A2M: variants seen among roughly 807,000 people sequenced by gnomAD.
A2M encodes C3 and PZP-like alpha-2-macroglobulin domain-containing protein 5.
A neutral mutation model predicts 183.9 loss-of-function variants in A2M; 128 were observed. That is an observed-to-expected ratio of 0.70 (90% CI 0.60 to 0.81). The LOEUF is 0.81. Among genes scored for constraint, A2M ranks in the 30% least tolerant of loss-of-function variants. A2M has a pLI of 0.00. For missense variants in A2M, 1,495 were observed against 1,787.6 expected (o/e 0.84, Z 2.95); for synonymous variants, 592 against 670.8 (o/e 0.88, Z 1.81).
intron 16 of A2M, 87 bp from the exon 17 acceptor site, chr12:9,095,171 A>C: frequency 1.5e-6 from 1 of 669,476 alleles, no homozygotes; most frequent in South Asian, 3.1e-5. Context: ...TTTGACAAGC[A>C]ATCCAGTTAA....
chr12:9,076,672 C>A, intron 28 of A2M, 84 bp downstream of exon 28: 6 of 1,284,864 alleles, frequency 4.7e-6, no homozygotes, highest in Non-Finnish European at 6.7e-6. Flanking sequence ...ACAGGGATCA[C>A]AGGAGGTAGG....
intron 33 of A2M, 96 bp downstream of exon 33, chr12:9,069,648 TG>T: frequency 2.5e-6 from 2 of 813,320 alleles, no homozygotes; most frequent in Non-Finnish European, 3.9e-6. Flanking sequence ...ATTTCTAGCA[TG>T]GAAGTGATGT....
chr12:9,113,296 A>G (rs138403949), intron 2 of A2M, 64 bp downstream of exon 2: 8 of 1,556,306 alleles, frequency 5.1e-6, no homozygotes, highest in African/African-American at 2.7e-5. Flanking sequence ...ATCTGACAGA[A>G]TACTAGATCC....
intron 11 of A2M, among the ~76,000 whole-genome samples, chr12:9,104,001 T>C (rs1938091832): frequency 6.6e-6 from 1 of 152,222 alleles, no homozygotes; most frequent in Non-Finnish European, 1.5e-5. Flanking sequence ...CTGTTTTTCA[T>C]AGTGGCTCCG....
intron 22 of A2M, among the ~76,000 whole-genome samples, chr12:9,087,930 A>G (rs1339599957): frequency 6.6e-6 from 1 of 152,116 alleles, no homozygotes; most frequent in Non-Finnish European, 1.5e-5. Context: ...TAACTAACTA[A>G]TTTTTTAAAG....
chr12:9,114,547 A>G (rs1157608306), intron 1 of A2M, among the ~76,000 whole-genome samples: 1 of 152,094 alleles, frequency 6.6e-6, no homozygotes, highest in Non-Finnish European at 1.5e-5. Context: ...GATATTTAAT[A>G]TCTTTCTCTT....
intron 17 of A2M, among the ~76,000 whole-genome samples, chr12:9,093,874 C>G (rs1046302771): frequency 6.6e-6 from 1 of 151,682 alleles, no homozygotes; most frequent in African/African-American, 2.4e-5. Context: ...ACCTGAGCGA[C>G]AGAGTGAGAC....
Position 9,079,331 on chromosome 12 carries a change from C to T in A2M, c.3032G>A (p.Gly1011Asp). 6.2e-7 allele frequency: 1 copy of T among 1,613,244 alleles called. No homozygotes were observed. ...KSKAIGYLNT[G>D]YQRQLNYKHY... ...TTTGTAGTTCAACTGTCTCTGGTAA[C>T]CTGGAAAGGAAGATTAACGAAACAG... Residue 1011 changes from glycine (G) to aspartate (D), a missense_variant and splice_region_variant, in exon 25 of 36, where the codon GGT (glycine) becomes GAT (aspartate). Coordinates refer to ENST00000318602, the MANE Select transcript of A2M (RefSeq NM_000014.6).
At chr12:9,086,000 T>G (rs771156732) in intron 22 of A2M, among the ~76,000 whole-genome samples, 1 of 152,202 alleles carries the variant, frequency 6.6e-6, no homozygotes, top group African/African-American at 2.4e-5. Context: ...GAATCAGTAA[T>G]AAAAAGTTTT....
At position 9,112,424 on chromosome 12, in the gene A2M, A is replaced by T. The variant is rs756052953; in HGVS notation, c.383T>A (p.Leu128Gln). ...TTVMVKNEDSLVFVQTDKSIY... is the reference protein window; with the variant it reads ...TTVMVKNEDSQVFVQTDKSIY... Reference sequence around the variant, plus strand: ...TGATTTGTCTGTCTGGACAAAGACCAGACTGTCCTCGTTCTTAACCATCAC... The same window carrying T: ...TGATTTGTCTGTCTGGACAAAGACCTGACTGTCCTCGTTCTTAACCATCAC... The change falls in exon 3 of 36, where the codon CTG becomes CAG. Residue 128 changes from leucine to glutamine, a missense_variant. Leu to Gln is a moderately radical substitution (Grantham distance 113). Transcript: ENST00000318602. The T allele has an allele frequency of 6.2e-7, 1 of 1,614,026 alleles. No individual in the cohort carries two copies. Among genetic ancestry groups the T allele is most frequent in the Non-Finnish European group, 8.5e-7 (1 of 1,179,910 alleles).
At chr12:9,099,920 AT>A (rs932273295) in intron 13 of A2M, among the ~76,000 whole-genome samples, 56 of 152,238 alleles carry the variant, frequency 3.7e-4, no homozygotes, top group African/African-American at 1.3e-3. Flanking sequence ...TTCTTTCTCC[AT>A]AAGAGGAACA....
chr12:9,095,289 A>G (rs1389266917), intron 16 of A2M, among the ~76,000 whole-genome samples: 1 of 152,206 alleles, frequency 6.6e-6, no homozygotes, highest in African/African-American at 2.4e-5. Context: ...TATTTTGTAT[A>G]TGTGATTTTA....
intron 7 of A2M, among the ~76,000 whole-genome samples, chr12:9,108,369 G>A (rs1041424726): frequency 6.6e-6 from 1 of 152,048 alleles, no homozygotes; most frequent in Non-Finnish European, 1.5e-5. Context: ...CTCGTGATCT[G>A]CCCACCTCAG....
In A2M at chr12:9,090,423, T is replaced by G; in HGVS notation, c.2529A>C (p.Gln843His). The G allele has an allele frequency of 1.2e-6, 2 of 1,614,032 alleles. No homozygotes were observed. Among genetic ancestry groups the G allele is most frequent in the Non-Finnish European group, 8.5e-7 (1 of 1,179,890 alleles). Residue 843 changes from glutamine to histidine, a missense_variant, in exon 20 of 36, where the codon CAA (glutamine) becomes CAC (histidine). Gln to His is a conservative substitution (Grantham distance 24). Coordinates refer to ENST00000318602, the MANE Select transcript of A2M (RefSeq NM_000014.6). The part of the protein sequence containing the change: ...AFLAVPVEKE[Q>H]APHCICANGR... Reference sequence around the variant, plus strand: ...CGTTTGCACAGATGCAGTGAGGCGCTTGTTCCTTCTCCACTGGGACAGCTA... The same window carrying G: ...CGTTTGCACAGATGCAGTGAGGCGCGTGTTCCTTCTCCACTGGGACAGCTA...
At chr12:9,081,684 G>A (rs1948910531) in intron 22 of A2M, among the ~76,000 whole-genome samples, 1 of 152,204 alleles carries the variant, frequency 6.6e-6, no homozygotes, top group Admixed American at 6.5e-5. Flanking sequence ...ATAGAGAGGA[G>A]TTCCCTGGGG....
At chr12:9,074,998 C>G (rs1366232493) in intron 28 of A2M, among the ~76,000 whole-genome samples, 1 of 152,168 alleles carries the variant, frequency 6.6e-6, no homozygotes, top group Admixed American at 6.5e-5. Context: ...CTATGCCTAT[C>G]TATGTTTTCA....
At chr12:9,110,142 A>T (rs1249480868) in intron 5 of A2M, 107 bp from the exon 6 acceptor site, 1 of 1,269,772 alleles carries the variant, frequency 7.9e-7, no homozygotes, top group African/African-American at 1.5e-5. Flanking sequence ...CAAATGGGGT[A>T]GTAGTAAAGG....
intron 35 of A2M, 156 bp downstream of exon 35, chr12:9,068,027 G>T: frequency 2.0e-6 from 2 of 982,074 alleles, no homozygotes; most frequent in Non-Finnish European, 3.1e-6. Flanking sequence ...CAGAGTCAGC[G>T]GCCCTCTCCA....
chr12:9,112,810 C>T (rs1044075528), intron 2 of A2M: 20 of 416,518 alleles, frequency 4.8e-5, no homozygotes, highest in African/African-American at 2.2e-4. Context: ...TTCAATTATA[C>T]GCTGAGCTTT....
Sources: gnomAD v4.1 joint callset for allele counts (sites outside exome capture counted in the v4.1 genomes callset) on GRCh38, gnomAD v4.1.1 for gene constraint, MANE v1.5 for transcripts, NCBI Gene and HGNC (gene_info 2026-07-23, HGNC 2026-07-21) for gene names.